TDRD7: variants seen among roughly 807,000 people sequenced by gnomAD.
TDRD7 encodes the protein tudor domain-containing protein 7.
A neutral mutation model predicts 109.8 loss-of-function variants in TDRD7; 47 were observed. That is an observed-to-expected ratio of 0.43 (90% CI 0.34 to 0.55). The LOEUF is 0.55. Among genes scored for constraint, TDRD7 ranks in the 20% least tolerant of loss-of-function variants. TDRD7 has a pLI of 0.03. For missense variants in TDRD7, 1,164 were observed against 1,319.2 expected (o/e 0.88, Z 1.82); for synonymous variants, 424 against 457.3 (o/e 0.93, Z 0.93).
At chr9:97,417,906 C>T (rs986404257) in intron 1 of TDRD7, among the ~76,000 whole-genome samples, 5 of 152,166 alleles carry the variant, frequency 3.3e-5, no homozygotes, top group South Asian at 2.1e-4. Context: ...GCAGGTGGAT[C>T]GTGAGGTCAG....
At chr9:97,441,453 A>G (rs896640452) in intron 5 of TDRD7, among the ~76,000 whole-genome samples, 2 of 152,162 alleles carry the variant, frequency 1.3e-5, no homozygotes, top group African/African-American at 4.8e-5. Context: ...TTCTTGACCC[A>G]CAAGAAACAC....
intron 6 of TDRD7, 116 bp from the exon 7 acceptor site, chr9:97,460,062 G>C: frequency 1.1e-6 from 1 of 881,824 alleles, no homozygotes; most frequent in Non-Finnish European, 1.9e-6. Context: ...AGAGTAAATC[G>C]TACACTTGAT....
intron 6 of TDRD7, among the ~76,000 whole-genome samples, chr9:97,458,181 A>G (rs1046865534): frequency 7.9e-5 from 12 of 152,198 alleles, no homozygotes; most frequent in South Asian, 2.1e-4. Context: ...CTAGGTTTGT[A>G]TAAGTACACA....
chr9:97,478,660 C>G (rs777710056), intron 13 of TDRD7, 87 bp downstream of exon 13: 6 of 1,581,388 alleles, frequency 3.8e-6, no homozygotes, highest in African/African-American at 1.3e-5. Context: ...CAGTTTTGAT[C>G]TCATTAATTT....
intron 6 of TDRD7, among the ~76,000 whole-genome samples, chr9:97,444,320 C>T (rs4567164): frequency 6.6e-6 from 1 of 152,202 alleles, no homozygotes; most frequent in African/African-American, 2.4e-5. Flanking sequence ...TTTGCTTAGT[C>T]AAGTGGGATG....
At chr9:97,439,206 T>C (rs780294355) in intron 4 of TDRD7, 39 bp from the exon 5 acceptor site, 15 of 1,506,250 alleles carry the variant, frequency 1.0e-5, no homozygotes, top group Non-Finnish European at 1.3e-5. Flanking sequence ...GACTTTGTTA[T>C]TTACATTTAT....
chr9:97,445,320 T>C (rs1372054153), intron 6 of TDRD7, among the ~76,000 whole-genome samples: 1 of 152,192 alleles, frequency 6.6e-6, no homozygotes, highest in Non-Finnish European at 1.5e-5. Context: ...TGCTTCCGTG[T>C]GCTAGCCACT....
At chr9:97,480,024 C>T (rs1447763317) in intron 13 of TDRD7, among the ~76,000 whole-genome samples, 1 of 152,164 alleles carries the variant, frequency 6.6e-6, no homozygotes, top group East Asian at 1.9e-4. Flanking sequence ...GGTACCACAT[C>T]CAGCCAGCAG....
intron 1 of TDRD7, among the ~76,000 whole-genome samples, chr9:97,425,885 C>T (rs745928178): frequency 1.3e-5 from 2 of 152,164 alleles, no homozygotes; most frequent in Non-Finnish European, 2.9e-5. Flanking sequence ...GAACCTACCA[C>T]ACAACTGAGC....
intron 5 of TDRD7, among the ~76,000 whole-genome samples, chr9:97,439,644 G>A (rs1828264712): frequency 6.6e-6 from 1 of 152,078 alleles, no homozygotes; most frequent in Non-Finnish European, 1.5e-5. Flanking sequence ...CAGAGGCTGA[G>A]GCCTCACATA....
chr9:97,483,429 G>C, intron 15 of TDRD7, 78 bp downstream of exon 15: 1 of 1,542,888 alleles, frequency 6.5e-7, no homozygotes, highest in Non-Finnish European at 8.8e-7. Context: ...AATCTTGGCG[G>C]GGGGACTTCG....
At chr9:97,480,582 TG>T (rs1311384534) in intron 13 of TDRD7, 3 of 481,726 alleles carry the variant, frequency 6.2e-6, no homozygotes, top group African/African-American at 3.9e-5. Flanking sequence ...TATTGTACGG[TG>T]GGAAGTATAT....
At chr9:97,433,816 T>C (rs1585538) in intron 4 of TDRD7, among the ~76,000 whole-genome samples, 80,319 of 151,988 alleles carry the variant, frequency 0.53, 21,463 homozygotes, top group African/African-American at 0.6. Flanking sequence ...GAGATACCAC[T>C]TCCCACCCAG....
At chr9:97,431,917 T>C (rs1828110231) in intron 3 of TDRD7, 108 bp from the exon 4 acceptor site, 2 of 1,020,164 alleles carry the variant, frequency 2.0e-6, no homozygotes, top group African/African-American at 1.6e-5. Context: ...TCTTACAAAC[T>C]GTTCTGAGAA....
Position 97,460,272 on chromosome 9 carries a change from C to T in TDRD7, c.950C>T (p.Pro317Leu), listed in dbSNP as rs1244111821. 7.4e-6 allele frequency: 12 copies of T among 1,614,072 alleles called. No homozygotes were observed. Among genetic ancestry groups the T allele is most frequent in the African/African-American group, 4.0e-5 (3 of 74,928 alleles). The change falls in exon 7 of 17, where the codon CCT becomes CTT. Residue 317 changes from proline (P) to leucine (L), a missense_variant. Pro to Leu is a moderately conservative substitution (Grantham distance 98). Around this residue, in one of 5 missense-constraint regions of TDRD7, gnomAD observed 407 missense variants for 394.0 expected, o/e 1.03. Coordinates refer to ENST00000355295, the MANE Select transcript of TDRD7 (RefSeq NM_014290.3). Reference sequence around the variant, plus strand: ...AGTGAACTGGATACTGAGAAAGTACCTCTATCCCCACTACCTGGTCCCAAA... The same window carrying T: ...AGTGAACTGGATACTGAGAAAGTACTTCTATCCCCACTACCTGGTCCCAAA... ...LRSELDTEKV[P>L]LSPLPGPKQT... is the part of the protein sequence containing the mutation.
intron 6 of TDRD7, among the ~76,000 whole-genome samples, chr9:97,458,900 A>G (rs1016915964): frequency 7.2e-5 from 11 of 152,186 alleles, no homozygotes; most frequent in African/African-American, 2.4e-4. Flanking sequence ...TAAGCATTGT[A>G]TGGAGAGTGA....
intron 15 of TDRD7, among the ~76,000 whole-genome samples, chr9:97,486,687 A>G (rs1829217500): frequency 6.6e-6 from 1 of 152,084 alleles, no homozygotes; most frequent in African/African-American, 2.4e-5. Context: ...CCAAAACACT[A>G]TGCCCTCTCC....
chr9:97,491,982 T>G (rs1829316433), intron 16 of TDRD7, among the ~76,000 whole-genome samples: 1 of 152,200 alleles, frequency 6.6e-6, no homozygotes, highest in Non-Finnish European at 1.5e-5. Context: ...CTTATTTACA[T>G]GTACCCCTAG....
At chr9:97,493,733 C>T (rs1200432696) in intron 16 of TDRD7, among the ~76,000 whole-genome samples, 3 of 152,092 alleles carry the variant, frequency 2.0e-5, no homozygotes, top group Non-Finnish European at 4.4e-5. Context: ...CGGCCGCACC[C>T]GAAGCGGCCA....
Sources: allele counts gnomAD v4.1 joint callset (sites outside exome capture counted in the v4.1 genomes callset), GRCh38; gene constraint gnomAD v4.1.1; regional missense constraint gnomAD v4.1.1; transcripts MANE v1.5; gene names NCBI Gene and HGNC (gene_info 2026-07-23, HGNC 2026-07-21).